Variants in FNDC3B observed in about 807,000 individuals in gnomAD.
FNDC3B encodes the protein fibronectin type III domain containing 3B.
In FNDC3B, 12 loss-of-function variants were observed where a neutral mutation model predicts 151.5. That is an observed-to-expected ratio of 0.08 (90% CI 0.05 to 0.13). The LOEUF is 0.13. Among genes scored for constraint, FNDC3B ranks in the 10% least tolerant of loss-of-function variants. The pLI is 1.00. For missense variants in FNDC3B, 1,214 were observed against 1,505.3 expected (o/e 0.81, Z 3.20); for synonymous variants, 528 against 549.0 (o/e 0.96, Z 0.54).
intron 3 of FNDC3B, among the ~76,000 whole-genome samples, chr3:172,161,717 A>G (rs1263148903): frequency 1.3e-5 from 2 of 152,334 alleles, no homozygotes; most frequent in Non-Finnish European, 2.9e-5. Flanking sequence ...GATATAATTC[A>G]CATACCATAC....
At chr3:172,382,510 G>A (rs140206076) in intron 25 of FNDC3B, among the ~76,000 whole-genome samples, 513 of 152,274 alleles carry the variant, frequency 3.4e-3, no homozygotes, top group African/African-American at 0.012. Context: ...TGTTGCCATT[G>A]CTTTTGGTGT....
intron 3 of FNDC3B, among the ~76,000 whole-genome samples, chr3:172,151,785 T>C (rs1046049857): frequency 6.6e-6 from 1 of 152,204 alleles, no homozygotes; most frequent in African/African-American, 2.4e-5. Context: ...AACAGGTCCT[T>C]GAGTTGCGTT....
In FNDC3B at chr3:172,295,681, ATTC is replaced by A. The variant is rs1468924787; in HGVS notation, c.1001+170_1001+172del. Among the ~76,000 whole-genome samples the A allele has an allele frequency of 5.9e-5, 9 of 152,242 alleles. 1 individual carries two copies. Among genetic ancestry groups the A allele is most frequent in the Non-Finnish European group, 1.3e-4 (9 of 68,038 alleles). On this transcript the variant is annotated intron_variant, in intron 8 of 25. Transcript: ENST00000415807. ...CTAAGAATTCATTGTGTCCAGAGTA[ATTC>A]TTATTTGGAAATGAGTAGCATAGAG...
chr3:172,392,810 C>CTTTCTTTTTTTTTTTTT (rs1491505881), intron 25 of FNDC3B, among the ~76,000 whole-genome samples: 2 of 99,872 alleles, frequency 2.0e-5, no homozygotes, highest in Admixed American at 1.5e-4. Context: ...TTTTTTTTTT[C>CTTTCTTTTTTTTTTTTT]TTTTTTTTTT....
intron 25 of FNDC3B, among the ~76,000 whole-genome samples, chr3:172,396,545 G>T (rs1736289771): frequency 6.6e-6 from 1 of 152,156 alleles, no homozygotes; most frequent in Non-Finnish European, 1.5e-5. Context: ...CCAACCCCCA[G>T]GCCGGGTACC....
chr3:172,269,435 A>T (rs148205017), intron 6 of FNDC3B, among the ~76,000 whole-genome samples: 945 of 53,114 alleles, frequency 0.018, 8 homozygotes, highest in African/African-American at 0.07. Flanking sequence ...ATTAAAAAAA[A>T]TTTTTTTTTT....
At position 172,341,251 on chromosome 3, in the gene FNDC3B, G is replaced by C; in HGVS notation, c.1971+20G>C. The C allele has an allele frequency of 3.9e-6, 6 of 1,539,380 alleles. No homozygotes were observed. The South Asian group carries it at 5.6e-5, about 14-fold the overall frequency. On this transcript the variant is annotated intron_variant, in intron 17 of 25. Transcript: ENST00000415807. ...AGCCAGGTTGGTTTTGTTTCCATATGAAAGTAAACCTCATTGATCAAATTC... is the reference window on the plus strand; with the variant it reads ...AGCCAGGTTGGTTTTGTTTCCATATCAAAGTAAACCTCATTGATCAAATTC...
At chr3:172,342,183 A>G (rs905039477) in intron 17 of FNDC3B, among the ~76,000 whole-genome samples, 1 of 152,210 alleles carries the variant, frequency 6.6e-6, no homozygotes. Context: ...GGATGGTACT[A>G]GGGCATCTAG....
intron 19 of FNDC3B, among the ~76,000 whole-genome samples, chr3:172,345,236 A>G (rs1347574495): frequency 6.6e-6 from 1 of 152,240 alleles, no homozygotes; most frequent in Non-Finnish European, 1.5e-5. Context: ...TGAAAACAAA[A>G]AAGTCTGAAC....
At chr3:172,133,088 A>C (rs1030454451) in intron 2 of FNDC3B, among the ~76,000 whole-genome samples, 8 of 152,236 alleles carry the variant, frequency 5.3e-5, no homozygotes, top group Non-Finnish European at 5.9e-5. Context: ...AACAGTATGC[A>C]GCACTGTTAG....
intron 25 of FNDC3B, among the ~76,000 whole-genome samples, chr3:172,390,059 C>T (rs1735928964): frequency 6.6e-6 from 1 of 152,156 alleles, no homozygotes; most frequent in African/African-American, 2.4e-5. Context: ...AATATCTACT[C>T]TTTGAGTATT....
chr3:172,288,986 C>T (rs1040317605), intron 7 of FNDC3B, among the ~76,000 whole-genome samples: 4 of 152,206 alleles, frequency 2.6e-5, no homozygotes, highest in African/African-American at 7.2e-5. Flanking sequence ...AACAACTTCT[C>T]TTTCTCTCCA....
chr3:172,063,294 A>G (rs1717313131), intron 1 of FNDC3B, among the ~76,000 whole-genome samples: 1 of 152,094 alleles, frequency 6.6e-6, no homozygotes, highest in Admixed American at 6.5e-5. Context: ...CTTTTCTTGT[A>G]CATTGTCCTT....
intron 7 of FNDC3B, among the ~76,000 whole-genome samples, chr3:172,286,345 C>T (rs1320430144): frequency 6.6e-6 from 1 of 151,598 alleles, no homozygotes; most frequent in Non-Finnish European, 1.5e-5. Context: ...CCTCAGTAAT[C>T]CCAAGTATTT....
chr3:172,162,158 T>C (rs1722812048), intron 3 of FNDC3B, among the ~76,000 whole-genome samples: 1 of 152,112 alleles, frequency 6.6e-6, no homozygotes, highest in Non-Finnish European at 1.5e-5. Flanking sequence ...TCTGTATTTT[T>C]AGTAGAGACG....
At chr3:172,372,079 C>T (rs1383962581) in intron 23 of FNDC3B, among the ~76,000 whole-genome samples, 1 of 152,172 alleles carries the variant, frequency 6.6e-6, no homozygotes, top group Non-Finnish European at 1.5e-5. Flanking sequence ...GAGGAGGAAA[C>T]AACTTACCTG....
rs556855768 is a variant in FNDC3B at position 172,058,754 on chromosome 3, T to A, written c.-29+18983T>A. ...TCTAGAGGAGGCAGAGTAAATCATC[T>A]CATTTTAATGGATCTGTAGTTTCTA... On this transcript the variant is annotated intron_variant, in intron 1 of 25. Transcript: ENST00000415807. Among the ~76,000 whole-genome samples the A allele has an allele frequency of 3.9e-5, 6 of 152,332 alleles. No individual in the cohort carries two copies. In the East Asian group the frequency reaches 1.2e-3, roughly 29 times the overall value.
Position 172,251,389 on chromosome 3 carries a change from T to A in FNDC3B, c.638T>A (p.Ile213Asn), listed in dbSNP as rs1728066217. The change falls in exon 6 of 26, where the codon ATC (isoleucine) becomes AAC (asparagine). Residue 213 changes from isoleucine to asparagine, a missense_variant. Coordinates refer to ENST00000415807, the MANE Select transcript of FNDC3B (RefSeq NM_022763.4). ...QNRLNSPPSS[I>N]YKSSCTTVYN... Reference sequence around the variant, plus strand: ...CGCCTCAACAGCCCTCCTTCTTCTATCTACAAAAGCAGCTGCACAACAGTA... The same window carrying A: ...CGCCTCAACAGCCCTCCTTCTTCTAACTACAAAAGCAGCTGCACAACAGTA... 1 of 1,613,852 alleles carries A rather than the reference T, an allele frequency of 6.2e-7. No individual in the cohort carries two copies. The highest frequency in any genetic ancestry group is 8.5e-7 in the Non-Finnish European group (1 of 1,179,994).
chr3:172,055,627 G>C (rs558980112), intron 1 of FNDC3B, among the ~76,000 whole-genome samples: 8 of 152,106 alleles, frequency 5.3e-5, no homozygotes, highest in African/African-American at 1.9e-4. Context: ...TGTGATTTTG[G>C]GTCTGAAGTG....
Sources: gnomAD v4.1 joint callset for allele counts (sites outside exome capture counted in the v4.1 genomes callset) on GRCh38, gnomAD v4.1.1 for gene constraint, MANE v1.5 for transcripts, NCBI Gene and HGNC (gene_info 2026-07-23, HGNC 2026-07-21) for gene names.